The following QRICH1 variants were observed in gnomAD, a reference collection of about 807,000 sequenced individuals.
QRICH1 encodes glutamine rich 1.
Under a neutral mutation model 87.1 loss-of-function variants are expected in QRICH1, and 16 were observed. That is an observed-to-expected ratio of 0.18 (90% CI 0.12 to 0.28). The LOEUF (loss-of-function observed/expected upper bound fraction) is 0.28, where lower values mean the gene tolerates loss of function less well. Ranked by LOEUF, QRICH1 falls within the 10% of genes least tolerant of loss-of-function variation. The probability of loss-of-function intolerance (pLI) is 1.00; values close to 1 mark genes in which losing one functional copy is unlikely to be tolerated. For missense variants in QRICH1, 647 were observed against 951.7 expected (o/e 0.68, Z 4.21); for synonymous variants, 367 against 368.4 (o/e 1.00, Z 0.05).
chr3:49,057,864 C>A lies in QRICH1; in HGVS notation c.336G>T (p.Pro112=), dbSNP rs145975766. The A allele has an allele frequency of 3.7e-6, 6 of 1,613,816 alleles. No individual in the cohort carries two copies. The highest frequency in any genetic ancestry group is 1.3e-5 in the African/African-American group (1 of 74,812). Residue 112 remains proline (P), a synonymous_variant, in exon 3 of 10, where the codon CCG becomes CCT. Transcript: ENST00000395443. The surrounding 1 kb of genome is among the most constrained non-coding windows in gnomAD (Gnocchi z 5.4). ...VQVQVQVQQS[P]QQVSAQLSPQ... ...GGGAGAGCTGAGCCGAGACCTGTTG[C>A]GGAGACTGCTGTACCTGCACCTGGA...
chr3:49,050,027 C>T (rs2093360910), intron 3 of QRICH1, among the ~76,000 whole-genome samples: 1 of 149,050 alleles, frequency 6.7e-6, no homozygotes, highest in Non-Finnish European at 1.5e-5. Flanking sequence ...TGCTGAAACC[C>T]TGTCTCTACC....
At chr3:49,089,610 A>G (rs2042234250) in intron 1 of QRICH1, among the ~76,000 whole-genome samples, 1 of 152,242 alleles carries the variant, frequency 6.6e-6, no homozygotes, top group Non-Finnish European at 1.5e-5. Flanking sequence ...CAATAGTGGA[A>G]TAGATAAATA....
At chr3:49,042,171 C>T (rs1055429040) in intron 6 of QRICH1, among the ~76,000 whole-genome samples, 2 of 151,312 alleles carry the variant, frequency 1.3e-5, no homozygotes, top group African/African-American at 4.9e-5. Flanking sequence ...GATCTCAGCT[C>T]ACTGCAAGCT....
intron 2 of QRICH1, among the ~76,000 whole-genome samples, chr3:49,062,812 C>T (rs1455587897): frequency 1.3e-5 from 2 of 151,702 alleles, no homozygotes; most frequent in East Asian, 3.9e-4. Context: ...TCAAGACCAT[C>T]CTGGCTAACA....
Position 49,046,422 on chromosome 3 carries a change from T to C in QRICH1, c.1671+3A>G, listed in dbSNP as rs1422872392. On this transcript the variant is annotated splice_donor_region_variant and intron_variant, in intron 5 of 9. Transcript: ENST00000395443. ...CATGTTCTTGTGAAGATCTGTTTCC[T>C]ACCTTTTGAATACACAGGAAAATAT... 6.2e-7 allele frequency: 1 copy of C among 1,611,460 alleles called. No homozygotes were observed. The highest frequency in any genetic ancestry group is 2.2e-5 in the East Asian group (1 of 44,878).
Position 49,076,736 on chromosome 3 carries a change from G to C in QRICH1, c.282C>G (p.Ile94Met). Reference protein sequence around the residue: ...VQPQTQQEQQIQVQQPQQVQV... With the variant: ...VQPQTQQEQQMQVQQPQQVQV... ...GAACCTGCTGCGGCTGCTGAACCTG[G>C]ATCTGCTGTTCTTGCTGGGTTTGTG... The change falls in exon 2 of 10, where the codon ATC becomes ATG. Residue 94 changes from isoleucine (I) to methionine (M), a missense_variant. Transcript: ENST00000395443. 6.3e-7 allele frequency: 1 copy of C among 1,591,600 alleles called. No individual in the cohort carries two copies. The highest frequency in any genetic ancestry group is 8.6e-7 in the Non-Finnish European group (1 of 1,165,178).
chr3:49,076,328 C>T (rs989526586), intron 2 of QRICH1, among the ~76,000 whole-genome samples: 2 of 152,214 alleles, frequency 1.3e-5, no homozygotes, highest in African/African-American at 2.4e-5. Flanking sequence ...GACCGGGTTC[C>T]GGTGTGGAGA....
At chr3:49,093,114 G>A (rs1426663010) in intron 1 of QRICH1, 1 of 152,140 alleles carries the variant, frequency 6.6e-6, no homozygotes, top group Non-Finnish European at 1.5e-5. Flanking sequence ...CCACTCAAGG[G>A]CCTTCTAATA....
intron 1 of QRICH1, among the ~76,000 whole-genome samples, chr3:49,080,966 CAAAAAAAAAA>C (rs34230924): frequency 1.2e-4 from 3 of 24,796 alleles, no homozygotes; most frequent in African/African-American, 1.9e-4. Flanking sequence ...AACTCCATCT[CAAAAAAAAAA>C]AAAAAAAAAA....
chr3:49,071,508 T>C (rs1247565099), intron 2 of QRICH1, among the ~76,000 whole-genome samples: 1 of 152,168 alleles, frequency 6.6e-6, no homozygotes, highest in African/African-American at 2.4e-5. Context: ...GGCTCATGCC[T>C]GCACTTTGGG....
intron 2 of QRICH1, among the ~76,000 whole-genome samples, chr3:49,059,122 C>T (rs372978681): frequency 4.6e-5 from 7 of 151,538 alleles, no homozygotes; most frequent in Non-Finnish European, 7.4e-5. Flanking sequence ...CCACCACACC[C>T]GGCTAATTTT....
At chr3:49,051,467 C>A (rs975772561) in intron 3 of QRICH1, among the ~76,000 whole-genome samples, 3 of 151,462 alleles carry the variant, frequency 2.0e-5, no homozygotes, top group Non-Finnish European at 2.9e-5. Flanking sequence ...CCTCTATAGA[C>A]CCACTTCTCA....
chr3:49,061,650 T>G, intron 2 of QRICH1, among the ~76,000 whole-genome samples: 1 of 151,896 alleles, frequency 6.6e-6, no homozygotes, highest in East Asian at 1.9e-4. Flanking sequence ...GTCAGGAGTT[T>G]GAGACCAGCC....
chr3:49,055,049 G>C (rs2093392941), intron 3 of QRICH1, among the ~76,000 whole-genome samples: 1 of 152,100 alleles, frequency 6.6e-6, no homozygotes, highest in Non-Finnish European at 1.5e-5. Flanking sequence ...AAGAAATCCT[G>C]AGTTCTTACT....
At chr3:49,031,229 C>T (rs1057466013) in intron 9 of QRICH1, among the ~76,000 whole-genome samples, 5 of 152,116 alleles carry the variant, frequency 3.3e-5, no homozygotes, top group Admixed American at 3.3e-4. Context: ...CTCAGGTGAT[C>T]CACCCACCTT....
In QRICH1 at chr3:49,092,496, C is replaced by T. The variant is rs932554930; in HGVS notation, c.-22+1416G>A. 2.6e-5 allele frequency: 4 copies of T among 151,994 alleles called. No individual in the cohort carries two copies. The East Asian group carries it at 5.8e-4, about 22-fold the overall frequency. 9.4% of individuals were successfully genotyped at this position (151,994 alleles called of 1,614,324 possible). A position where few individuals can be genotyped will look rare whatever the true frequency, so the allele number is the denominator to read the frequency against. On this transcript the variant is annotated intron_variant, in intron 1 of 9. Transcript: ENST00000395443. ...ACAAAAAAGTTCCTTCCATCCTCAGCCTCTTTTTATTAATAATTTTAACTT... is the reference window on the plus strand; with the variant it reads ...ACAAAAAAGTTCCTTCCATCCTCAGTCTCTTTTTATTAATAATTTTAACTT...
intron 6 of QRICH1, among the ~76,000 whole-genome samples, chr3:49,037,704 C>T (rs1412957508): frequency 6.8e-6 from 1 of 147,900 alleles, no homozygotes; most frequent in Non-Finnish European, 1.5e-5. Flanking sequence ...TGAACTCCAA[C>T]GTGGGCAAGA....
intron 2 of QRICH1, among the ~76,000 whole-genome samples, chr3:49,063,378 G>C (rs1243991997): frequency 1.3e-5 from 2 of 152,152 alleles, no homozygotes; most frequent in African/African-American, 4.8e-5. Context: ...GTTTTATCAA[G>C]TCCTCCAGTG....
At chr3:49,060,936 G>C (rs2093430917) in intron 2 of QRICH1, among the ~76,000 whole-genome samples, 1 of 151,438 alleles carries the variant, frequency 6.6e-6, no homozygotes, top group African/African-American at 2.4e-5. Flanking sequence ...TTCAAGACCA[G>C]CCTGGCCAAC....
Sources: gnomAD v4.1 joint callset for allele counts (sites outside exome capture counted in the v4.1 genomes callset) on GRCh38, gnomAD v4.1.1 for gene constraint, Gnocchi (gnomAD v3.1) non-coding constraint, MANE v1.5 for transcripts, NCBI Gene and HGNC (gene_info 2026-07-23, HGNC 2026-07-21) for gene names.